KLF12: variants seen among roughly 807,000 people sequenced by gnomAD.
The protein encoded by KLF12 is KLF transcription factor 12.
In KLF12, 9 loss-of-function variants were observed where a neutral mutation model predicts 37.8. The observed-to-expected ratio is 0.24, with a 90% CI of 0.14 to 0.42. KLF12 has a LOEUF of 0.42. Among genes scored for constraint, KLF12 ranks in the 10% least tolerant of loss-of-function variants. The pLI is 1.00. For synonymous variants in KLF12, 208 were observed against 202.1 expected, an observed-to-expected ratio of 1.03 and a Z score of -0.25; for missense variants, 411 against 516.0, an observed-to-expected ratio of 0.80 and a Z score of 1.97.
At chr13:74,085,407 C>T (rs546144867) in intron 1 of KLF12, among the ~76,000 whole-genome samples, 52 of 152,292 alleles carry the variant, frequency 3.4e-4, no homozygotes, top group African/African-American at 1.2e-3. Flanking sequence ...ACAACAAGCA[C>T]CACCATAAAT....
intron 1 of KLF12, among the ~76,000 whole-genome samples, chr13:74,102,083 T>C (rs1478081685): frequency 6.6e-6 from 1 of 151,840 alleles, no homozygotes; most frequent in Non-Finnish European, 1.5e-5. Flanking sequence ...CCAGGCATGG[T>C]GGCAGATGCC....
intron 2 of KLF12, among the ~76,000 whole-genome samples, chr13:73,983,296 C>T (rs1459550915): frequency 6.6e-6 from 1 of 152,178 alleles, no homozygotes; most frequent in Non-Finnish European, 1.5e-5. Context: ...CCCTGCTGTA[C>T]AGAAGCTGCC....
At chr13:74,134,064 C>T (rs1372241578), upstream of KLF12, among the ~76,000 whole-genome samples, 3 of 151,798 alleles carry the variant, frequency 2.0e-5, no homozygotes, top group Non-Finnish European at 4.4e-5. Context: ...CCTCGCCAGG[C>T]CCGCATCGAA....
the KLF12 span, among the ~76,000 whole-genome samples, chr13:74,237,859 T>C: frequency 2.0e-5 from 3 of 152,230 alleles, no homozygotes; most frequent in Non-Finnish European, 4.4e-5. Flanking sequence ...TGGGGTTTTC[T>C]AGATATACAA....
intron 1 of KLF12, among the ~76,000 whole-genome samples, chr13:74,053,580 A>C (rs981531087): frequency 6.6e-6 from 1 of 152,170 alleles, no homozygotes; most frequent in Non-Finnish European, 1.5e-5. Flanking sequence ...AACAGGATAC[A>C]AACCCAAGCA....
rs2137513999 is a variant in KLF12, at chr13:73,689,628, A to G, written c.*5862T>C. On this transcript the variant is annotated 3_prime_UTR_variant, in exon 8 of 8. Coordinates refer to ENST00000377669, the MANE Select transcript of KLF12 (RefSeq NM_007249.5). ...CTAACTGCAAAGATGGTTAAAGGCT[A>G]GGCTTACTAAGTGTCAGTGGTACTT... The G allele has an allele frequency of 6.6e-6, 1 of 152,326 alleles. No homozygotes were observed. Among genetic ancestry groups the G allele is most frequent in the African/African-American group, 2.4e-5 (1 of 41,584 alleles). 9.4% of individuals were successfully genotyped at this position (152,326 alleles called of 1,614,324 possible).
chr13:73,963,112 C>A (rs752834767), intron 2 of KLF12, among the ~76,000 whole-genome samples: 49 of 151,932 alleles, frequency 3.2e-4, no homozygotes, highest in Non-Finnish European at 5.6e-4. Flanking sequence ...TTTCCCCTAG[C>A]AGTAAAGAAA....
At chr13:74,256,478 G>T in the KLF12 span, among the ~76,000 whole-genome samples, 1 of 151,668 alleles carries the variant, frequency 6.6e-6, no homozygotes, top group Non-Finnish European at 1.5e-5. Context: ...TTAGGGACTG[G>T]TACAGTAAAA....
In KLF12 at chr13:73,688,699, T is replaced by A. The variant is rs1227952459; in HGVS notation, c.*6791A>T. 1 of 152,206 alleles carries A rather than the reference T, an allele frequency of 6.6e-6. No individual in the cohort carries two copies. The highest frequency in any genetic ancestry group is 1.5e-5 in the Non-Finnish European group (1 of 68,044). 9.4% of individuals were successfully genotyped at this position (152,206 alleles called of 1,614,324 possible). On this transcript the variant is annotated 3_prime_UTR_variant, in exon 8 of 8. Transcript: ENST00000377669. Reference sequence around the variant, plus strand: ...CATGATTTTCCGGGAAAGGCCTGATTTCAAATATTCAGTACCATTGTTAAG... The same window carrying A: ...CATGATTTTCCGGGAAAGGCCTGATATCAAATATTCAGTACCATTGTTAAG...
the KLF12 span, among the ~76,000 whole-genome samples, chr13:74,209,309 T>A: frequency 6.6e-6 from 1 of 152,066 alleles, no homozygotes; most frequent in African/African-American, 2.4e-5. Flanking sequence ...AAACACCCAG[T>A]TCTCTTCATT....
At position 73,877,516 on chromosome 13, in the gene KLF12, C is replaced by T. The variant is rs141123417; in HGVS notation, c.124-31143G>A. 1.3e-3 allele frequency among the ~76,000 whole-genome samples: 196 copies of T among 152,234 alleles called. 1 individual carries two copies. Among genetic ancestry groups the T allele is most frequent in the African/African-American group, 4.3e-3 (180 of 41,534 alleles). Reference sequence around the variant, plus strand: ...TATTTCACAGAATTATAGTGAGTGACCACACAGCTTTATGTGGACATTGTC... The same window carrying T: ...TATTTCACAGAATTATAGTGAGTGATCACACAGCTTTATGTGGACATTGTC... On this transcript the variant is annotated intron_variant, in intron 3 of 7. Transcript: ENST00000377669.
chr13:74,149,924 T>C, the KLF12 span, among the ~76,000 whole-genome samples: 1 of 152,196 alleles, frequency 6.6e-6, no homozygotes, highest in Non-Finnish European at 1.5e-5. Context: ...TATGTGCTGG[T>C]TGCATTTCCT....
At chr13:74,275,888 TCTTTC>T in the KLF12 span, among the ~76,000 whole-genome samples, 4 of 118,120 alleles carry the variant, frequency 3.4e-5, no homozygotes, top group African/African-American at 1.6e-4. Context: ...CTTCTTTCTT[TCTTTC>T]TTTCTTTCTT....
intron 1 of KLF12, among the ~76,000 whole-genome samples, chr13:74,011,378 T>C (rs1160802473): frequency 2.6e-5 from 4 of 152,166 alleles, no homozygotes. Context: ...ACAGAGCATC[T>C]ACATGTAGCT....
chr13:73,967,334 G>A (rs1891196649), intron 2 of KLF12, among the ~76,000 whole-genome samples: 1 of 152,194 alleles, frequency 6.6e-6, no homozygotes, highest in Non-Finnish European at 1.5e-5. Flanking sequence ...TGCCAAGGCT[G>A]GAATACACGG....
chr13:73,781,790 G>C (rs868754669), intron 5 of KLF12, among the ~76,000 whole-genome samples: 1 of 151,706 alleles, frequency 6.6e-6, no homozygotes, highest in Admixed American at 6.6e-5. Flanking sequence ...ACAAAGCACA[G>C]GCCTAAAAAA....
At chr13:73,804,013 G>A (rs1233776200) in intron 5 of KLF12, among the ~76,000 whole-genome samples, 1 of 152,096 alleles carries the variant, frequency 6.6e-6, no homozygotes, top group African/African-American at 2.4e-5. Context: ...ACCCACTGGT[G>A]GGTTGGGTTC....
At chr13:73,804,437 T>A (rs1365052807) in intron 5 of KLF12, among the ~76,000 whole-genome samples, 3 of 152,214 alleles carry the variant, frequency 2.0e-5, no homozygotes, top group Non-Finnish European at 4.4e-5. Context: ...TATACTTTTT[T>A]TTTTAATTGA....
At chr13:74,288,904 T>C in the KLF12 span, among the ~76,000 whole-genome samples, 1 of 152,334 alleles carries the variant, frequency 6.6e-6, no homozygotes, top group South Asian at 2.1e-4. Flanking sequence ...ACAAGCTTCC[T>C]GGCACTCCTC....
Sources: gnomAD v4.1 joint callset for allele counts (sites outside exome capture counted in the v4.1 genomes callset) on GRCh38, gnomAD v4.1.1 for gene constraint, MANE v1.5 for transcripts, NCBI Gene and HGNC (gene_info 2026-07-23, HGNC 2026-07-21) for gene names.